The following DGKB variants were observed in gnomAD, a reference collection of about 807,000 sequenced individuals.
DGKB encodes the protein diacylglycerol kinase beta.
Under a neutral mutation model 114.3 loss-of-function variants are expected in DGKB, and 67 were observed. The ratio of observed to expected loss-of-function variants is 0.59; its 90% CI spans 0.48 to 0.72. DGKB has a LOEUF of 0.72. DGKB is among the 30% of genes least tolerant of loss of function. The pLI is 0.00. For missense variants in DGKB, 907 were observed against 975.2 expected, an observed-to-expected ratio of 0.93 and a Z score of 0.93; for synonymous variants, 398 against 323.1, an observed-to-expected ratio of 1.23 and a Z score of -2.49.
chr7:14,494,592 C>T (rs1338514760), intron 20 of DGKB, among the ~76,000 whole-genome samples: 1 of 151,860 alleles, frequency 6.6e-6, no homozygotes, highest in Admixed American at 6.6e-5. Flanking sequence ...TGATAACCAC[C>T]TTAAATTAGT....
intron 21 of DGKB, among the ~76,000 whole-genome samples, chr7:14,387,382 C>T (rs1820563117): frequency 6.9e-6 from 1 of 145,392 alleles, no homozygotes; most frequent in Admixed American, 7.0e-5. Context: ...CATTGCACTC[C>T]AGCCTTGTGA....
chr7:14,947,773 G>C (rs1466131412), intron 1 of DGKB, among the ~76,000 whole-genome samples: 1 of 151,610 alleles, frequency 6.6e-6, no homozygotes, highest in Admixed American at 6.6e-5. Context: ...GTCCAAGCAT[G>C]TTATTCTTTC....
intron 21 of DGKB, among the ~76,000 whole-genome samples, chr7:14,408,635 C>G (rs915993673): frequency 6.6e-6 from 1 of 152,058 alleles, no homozygotes; most frequent in African/African-American, 2.4e-5. Flanking sequence ...CTCACTGATT[C>G]TTCTAAATTT....
intron 4 of DGKB, among the ~76,000 whole-genome samples, chr7:14,747,779 G>GCGCGCGCGCACACACACACACA (rs1554636463): frequency 1.3e-5 from 2 of 148,502 alleles, no homozygotes; most frequent in South Asian, 2.1e-4. Context: ...CCACGCGCAC[G>GCGCGCGCGCACACACACACACA]CACACACACA....
chr7:14,567,066 GTA>G (rs201026670), intron 20 of DGKB, among the ~76,000 whole-genome samples: 5 of 118,936 alleles, frequency 4.2e-5, no homozygotes, highest in Non-Finnish European at 6.6e-5. Flanking sequence ...GAGATGACCT[GTA>G]TATATATATA....
chr7:14,650,376 CA>C (rs1226596058), intron 13 of DGKB, among the ~76,000 whole-genome samples: 1 of 41,020 alleles, frequency 2.4e-5, no homozygotes, highest in Non-Finnish European at 4.7e-5. Flanking sequence ...GGAAACTGAA[CA>C]ACCTGCTCCT....
At chr7:14,178,593 G>A (rs116534530) in intron 23 of DGKB, among the ~76,000 whole-genome samples, 1 of 152,116 alleles carries the variant, frequency 6.6e-6, no homozygotes, top group African/African-American at 2.4e-5. Flanking sequence ...ACTTGAACAA[G>A]AGACCTTGGA....
intron 23 of DGKB, among the ~76,000 whole-genome samples, chr7:14,184,557 C>A (rs1481592576): frequency 6.6e-6 from 1 of 152,066 alleles, no homozygotes. Context: ...AGCCATAATC[C>A]TCCTAGGTAT....
At chr7:14,857,258 T>TTGTGTGTGTATGTGTGTGTGTGTGTG (rs1850302114) in intron 1 of DGKB, among the ~76,000 whole-genome samples, 1 of 138,262 alleles carries the variant, frequency 7.2e-6, no homozygotes, top group Non-Finnish European at 1.6e-5. Context: ...CTGTGTGTGT[T>TTGTGTGTGTATGTGTGTGTGTGTGTG]TGTGTGTGTG....
intron 1 of DGKB, among the ~76,000 whole-genome samples, chr7:14,858,462 A>C (rs1850497966): frequency 6.6e-6 from 1 of 152,224 alleles, no homozygotes; most frequent in African/African-American, 2.4e-5. Context: ...TGAATATATG[A>C]AAAAGCAATG....
intron 1 of DGKB, among the ~76,000 whole-genome samples, chr7:14,949,133 C>G (rs76423931): frequency 6.6e-6 from 1 of 151,142 alleles, no homozygotes; most frequent in African/African-American, 2.4e-5. Flanking sequence ...TTTACAAATA[C>G]GAAAAAACAG....
intron 23 of DGKB, among the ~76,000 whole-genome samples, chr7:14,245,962 T>G (rs1451569444): frequency 6.6e-6 from 1 of 152,114 alleles, no homozygotes; most frequent in African/African-American, 2.4e-5. Flanking sequence ...ACAGAAAACA[T>G]GCTTTCATGA....
intron 21 of DGKB, among the ~76,000 whole-genome samples, chr7:14,426,563 A>C (rs1158568069): frequency 6.6e-6 from 1 of 152,118 alleles, no homozygotes; most frequent in Non-Finnish European, 1.5e-5. Context: ...ATGCTGTCCC[A>C]CTGCTACCTA....
chr7:14,394,218 A>T (rs1471359850), intron 21 of DGKB, among the ~76,000 whole-genome samples: 1 of 152,142 alleles, frequency 6.6e-6, no homozygotes, highest in Non-Finnish European at 1.5e-5. Flanking sequence ...CTTGGGAGAT[A>T]TTTCTAAATC....
intron 21 of DGKB, among the ~76,000 whole-genome samples, chr7:14,358,871 C>G (rs1220258709): frequency 6.6e-6 from 1 of 152,096 alleles, no homozygotes; most frequent in Non-Finnish European, 1.5e-5. Context: ...ACCACACTGC[C>G]CAAGGTAATT....
intron 25 of DGKB, among the ~76,000 whole-genome samples, chr7:14,160,576 C>G (rs544097330): frequency 9.7e-4 from 147 of 152,262 alleles, no homozygotes; most frequent in Middle Eastern, 6.8e-3. Flanking sequence ...TGAAGGGCCT[C>G]TTCAAGGAGA....
intron 23 of DGKB, among the ~76,000 whole-genome samples, chr7:14,236,700 C>A (rs1347111882): frequency 1.3e-5 from 2 of 151,890 alleles, no homozygotes; most frequent in South Asian, 4.1e-4. Flanking sequence ...ACAAGTAATT[C>A]AATTCCAACT....
intron 20 of DGKB, among the ~76,000 whole-genome samples, chr7:14,570,786 G>A (rs972476847): frequency 6.6e-6 from 1 of 151,782 alleles, no homozygotes; most frequent in East Asian, 1.9e-4. Context: ...AGGTGGAGAA[G>A]GTAAAAGGGG....
At chr7:14,306,212 T>C (rs189471606) in intron 23 of DGKB, among the ~76,000 whole-genome samples, 136 of 152,236 alleles carry the variant, frequency 8.9e-4, no homozygotes, top group African/African-American at 3.1e-3. Context: ...TATACTTAAA[T>C]ATATGAATTA....
Sources: allele counts gnomAD v4.1 joint callset (sites outside exome capture counted in the v4.1 genomes callset), GRCh38; gene constraint gnomAD v4.1.1; transcripts MANE v1.5; gene names NCBI Gene and HGNC (gene_info 2026-07-23, HGNC 2026-07-21).